Variants in TMEM120B observed in about 807,000 individuals in gnomAD.
The protein encoded by TMEM120B is transmembrane protein 120B.
TMEM120B carries 31 observed loss-of-function variants against 55.5 expected under a neutral mutation model. The observed-to-expected ratio is 0.56, with a 90% CI of 0.42 to 0.75. The LOEUF is 0.75. TMEM120B is among the 30% of genes least tolerant of loss of function. The pLI, the probability that TMEM120B is intolerant of heterozygous loss-of-function variation, is 0.00. For missense variants in TMEM120B, 399 were observed against 425.5 expected, an observed-to-expected ratio of 0.94 and a Z score of 0.55; for synonymous variants, 203 against 176.3, an observed-to-expected ratio of 1.15 and a Z score of -1.20.
chr12:121,755,600 T>G (rs1873454106), intron 5 of TMEM120B, among the ~76,000 whole-genome samples: 1 of 152,114 alleles, frequency 6.6e-6, no homozygotes, highest in Non-Finnish European at 1.5e-5. Flanking sequence ...GGTACTGTCT[T>G]AGTGTGGGTT....
At chr12:121,774,416 CTG>C (rs914292811) in intron 9 of TMEM120B, among the ~76,000 whole-genome samples, 1 of 152,210 alleles carries the variant, frequency 6.6e-6, no homozygotes, top group Non-Finnish European at 1.5e-5. Flanking sequence ...CGCCCAGTGT[CTG>C]TGTGTTGTCA....
Position 121,776,888 on chromosome 12 carries a change from AG to A in TMEM120B, c.*1169del, listed in dbSNP as rs1292852862. 1.3e-5 allele frequency: 2 copies of A among 151,616 alleles called. No homozygotes were observed. The highest frequency in any genetic ancestry group is 4.9e-5 in the African/African-American group (2 of 41,226). 9.4% of individuals were successfully genotyped at this position (151,616 alleles called of 1,614,324 possible). A position where few individuals can be genotyped will look rare whatever the true frequency, so the allele number is the denominator to read the frequency against. On this transcript the variant is annotated 3_prime_UTR_variant, in exon 12 of 12. Transcript: ENST00000449592. ...CTGTAGCCTCCGCCTCCAGGGCTCA[AG>A]GGATCCTCCCACCTCAGCCTCTGGA... is the stretch of plus-strand genomic sequence containing the variant.
chr12:121,775,336 G>A lies in TMEM120B; in HGVS notation c.906+206G>A. On this transcript the variant is annotated intron_variant, in intron 11 of 11. Coordinates refer to ENST00000449592, the MANE Select transcript of TMEM120B (RefSeq NM_001080825.2). This position sits in a 1 kb window ranked among gnomAD's most constrained non-coding sequence, Gnocchi z 4.3. ...TGGCAGGTGTGGGGTGTTGTGGGGG[G>A]CCTGCTTGGCGGGAGGCTTCTGGAA... 1.2e-6 allele frequency: 1 copy of A among 817,978 alleles called. No homozygotes were observed. The highest frequency in any genetic ancestry group is 1.5e-6 in the Non-Finnish European group (1 of 677,478). 50.7% of individuals were successfully genotyped at this position (817,978 alleles called of 1,614,324 possible).
intron 1 of TMEM120B, among the ~76,000 whole-genome samples, chr12:121,736,644 G>A (rs1311830846): frequency 3.9e-5 from 6 of 152,096 alleles, no homozygotes; most frequent in Non-Finnish European, 7.4e-5. Context: ...CCGCCTCCCG[G>A]GTTCAAGCAA....
Position 121,735,730 on chromosome 12 carries a change from G to T in TMEM120B, c.70-7899G>T, listed in dbSNP as rs1202207606. On this transcript the variant is annotated intron_variant, in intron 1 of 11. Coordinates refer to ENST00000449592, the MANE Select transcript of TMEM120B (RefSeq NM_001080825.2). ...TTTTGAGACCAAGTCTCACTCTGTC[G>T]CCCAGGCTGGAGTGCAGTGGCGCAT... Among the ~76,000 whole-genome samples, 4 of 133,190 alleles carry T rather than the reference G, an allele frequency of 3.0e-5. No individual in the cohort carries two copies. In the East Asian group the frequency reaches 9.1e-4, roughly 30 times the overall value. 87.4% of individuals were successfully genotyped at this position (133,190 alleles called of 152,430 possible).
intron 1 of TMEM120B, among the ~76,000 whole-genome samples, chr12:121,726,621 C>T (rs1461137795): frequency 1.3e-5 from 2 of 150,512 alleles, no homozygotes; most frequent in Admixed American, 6.6e-5. Flanking sequence ...ATGCTTCAGG[C>T]CAGGTGCAGG....
chr12:121,729,211 GC>G (rs1184866250), intron 1 of TMEM120B, among the ~76,000 whole-genome samples: 1 of 152,218 alleles, frequency 6.6e-6, no homozygotes, highest in East Asian at 1.9e-4. Flanking sequence ...TCCATTCGAG[GC>G]CACAGGGCCA....
In TMEM120B at chr12:121,774,650, C is replaced by T. The variant is rs780244816; in HGVS notation, c.773-8C>T. ...CAGCGGGTCCTTTTTCTTCCCTCCT[C>T]TCCACAGAAGGGTTCCAGTCCTGGA... On this transcript the variant is annotated splice_region_variant and splice_polypyrimidine_tract_variant and intron_variant, in intron 9 of 11. Transcript: ENST00000449592. 1.9e-6 allele frequency: 3 copies of T among 1,613,486 alleles called. No individual in the cohort carries two copies. The Admixed American group carries it at 5.0e-5, about 27-fold the overall frequency.
chr12:121,748,547 G>A (rs1873176116), intron 3 of TMEM120B, 105 bp downstream of exon 3: 1 of 749,518 alleles, frequency 1.3e-6, no homozygotes, highest in South Asian at 1.8e-5. Flanking sequence ...GATTGAAGGG[G>A]AAAGAGGGAA....
chr12:121,779,730 T>C lies in TMEM120B; in HGVS notation c.*4008T>C. ...AGGTCTCCTAGCACCACCTGGTGGG[T>C]TTGGGACTGGCTCTGAGGACTCTGC... On this transcript the variant is annotated 3_prime_UTR_variant, in exon 12 of 12. Transcript: ENST00000449592. The C allele has an allele frequency of 6.4e-7, 1 of 1,558,910 alleles. No homozygotes were observed. The highest frequency in any genetic ancestry group is 8.8e-7 in the Non-Finnish European group (1 of 1,139,582).
rs1351326145 is a variant in TMEM120B at position 121,775,937 on chromosome 12, G to A, written c.*215G>A. 29 of 617,720 alleles carry A rather than the reference G, an allele frequency of 4.7e-5. No homozygotes were observed. Among genetic ancestry groups the A allele is most frequent in the South Asian group, 2.1e-4 (11 of 52,090 alleles). The allele number at this position is 617,720 out of a possible 1,614,324, so 38.3% of individuals were successfully genotyped here. A position where few individuals can be genotyped will look rare whatever the true frequency, so the allele number is the denominator to read the frequency against. Reference sequence around the variant, plus strand: ...CATATTTAATGCTGGGTCCCCCATCGTCCCTGGAACCCGAGGCCTCACTCC... The same window carrying A: ...CATATTTAATGCTGGGTCCCCCATCATCCCTGGAACCCGAGGCCTCACTCC... On this transcript the variant is annotated 3_prime_UTR_variant, in exon 12 of 12. Coordinates refer to ENST00000449592, the MANE Select transcript of TMEM120B (RefSeq NM_001080825.2). This position sits in a 1 kb window ranked among gnomAD's most constrained non-coding sequence, Gnocchi z 4.3.
Position 121,775,802 on chromosome 12 carries a change from C to G in TMEM120B, c.*80C>G. On this transcript the variant is annotated 3_prime_UTR_variant, in exon 12 of 12. Transcript: ENST00000449592. This position sits in a 1 kb window ranked among gnomAD's most constrained non-coding sequence, Gnocchi z 4.3. ...CTCCTTCCCAGCAGCCCTCTCAGGCCCGTGGCATCGCTGGGAGAGGGCCCA... is the reference window on the plus strand; with the variant it reads ...CTCCTTCCCAGCAGCCCTCTCAGGCGCGTGGCATCGCTGGGAGAGGGCCCA... The G allele has an allele frequency of 6.7e-7, 1 of 1,482,996 alleles. No homozygotes were observed. Among genetic ancestry groups the G allele is most frequent in the African/African-American group, 1.4e-5 (1 of 72,664 alleles). The allele number at this position is 1,482,996 out of a possible 1,614,324, so 91.9% of individuals were successfully genotyped here.
intron 5 of TMEM120B, among the ~76,000 whole-genome samples, chr12:121,755,615 C>T (rs2137241010): frequency 6.6e-6 from 1 of 152,232 alleles, no homozygotes; most frequent in Non-Finnish European, 1.5e-5. Context: ...TGGGTTGGCC[C>T]AGAAGAGACC....
At chr12:121,744,127 C>T (rs1387663104) in intron 2 of TMEM120B, among the ~76,000 whole-genome samples, 1 of 148,262 alleles carries the variant, frequency 6.7e-6, no homozygotes, top group South Asian at 2.1e-4. Flanking sequence ...GGCATGATTT[C>T]GGCTCACTGC....
chr12:121,755,097 G>A (rs1027444004), intron 5 of TMEM120B, among the ~76,000 whole-genome samples: 12 of 152,294 alleles, frequency 7.9e-5, no homozygotes, highest in South Asian at 4.1e-4. Flanking sequence ...CTGGGCATAC[G>A]GGAAAAAGGC....
intron 4 of TMEM120B, among the ~76,000 whole-genome samples, chr12:121,751,689 T>C (rs1309563608): frequency 3.6e-5 from 5 of 138,912 alleles, no homozygotes; most frequent in Non-Finnish European, 6.2e-5. Flanking sequence ...CAAGTCAGTA[T>C]GTTGGGTGGA....
intron 6 of TMEM120B, 124 bp downstream of exon 6, chr12:121,761,862 A>C: frequency 1.4e-6 from 1 of 705,292 alleles, no homozygotes; most frequent in South Asian, 1.7e-5. Flanking sequence ...TTGCTCTGTG[A>C]CTGTTCAGAT....
intron 1 of TMEM120B, among the ~76,000 whole-genome samples, chr12:121,733,898 T>C (rs1410835317): frequency 6.6e-6 from 1 of 152,138 alleles, no homozygotes; most frequent in Non-Finnish European, 1.5e-5. Context: ...AAGCAAGTTA[T>C]GGAATCTAAT....
intron 1 of TMEM120B, among the ~76,000 whole-genome samples, chr12:121,727,108 G>A (rs1283906705): frequency 3.3e-5 from 5 of 151,980 alleles, no homozygotes; most frequent in Non-Finnish European, 4.4e-5. Context: ...ATTTTAAAAT[G>A]CTTTAGTTTC....
Sources: allele counts gnomAD v4.1 joint callset (sites outside exome capture counted in the v4.1 genomes callset), GRCh38; gene constraint gnomAD v4.1.1; non-coding constraint Gnocchi (gnomAD v3.1); transcripts MANE v1.5; gene names NCBI Gene and HGNC (gene_info 2026-07-23, HGNC 2026-07-21).